NOMO3: variants seen among roughly 807,000 people sequenced by gnomAD.
NOMO3 encodes BOS complex subunit NOMO3.
NOMO3 carries 15 observed loss-of-function variants against 69.9 expected under a neutral mutation model. That is an observed-to-expected ratio of 0.21 (90% CI 0.14 to 0.33). NOMO3 has a LOEUF of 0.33. Ranked by LOEUF, NOMO3 falls within the 10% of genes least tolerant of loss-of-function variation. NOMO3 has a pLI of 1.00. For missense variants in NOMO3, 218 were observed against 761.0 expected, an observed-to-expected ratio of 0.29 and a Z score of 8.39; for synonymous variants, 89 against 301.9, an observed-to-expected ratio of 0.29 and a Z score of 7.31.
At chr16:16,255,967 G>GT (rs1419906697) in intron 10 of NOMO3, 41 bp from the exon 11 acceptor site, 2 of 1,575,088 alleles carry the variant, frequency 1.3e-6, no homozygotes, top group Non-Finnish European at 1.7e-6. Context: ...ATACACTGTT[G>GT]TTTTTGGCTT....
At chr16:16,240,442 C>T (rs1457287353) in intron 3 of NOMO3, among the ~76,000 whole-genome samples, 1 of 145,296 alleles carries the variant, frequency 6.9e-6, no homozygotes, top group Non-Finnish European at 1.5e-5. Context: ...GTCCCTGCCC[C>T]ACTGGGTACT....
At chr16:16,235,716 G>T (rs1351388952) in intron 1 of NOMO3, 1 of 374,130 alleles carries the variant, frequency 2.7e-6, no homozygotes, top group African/African-American at 2.4e-5. Flanking sequence ...GTGTGGCTGT[G>T]TTGTCCAGGC....
intron 15 of NOMO3, among the ~76,000 whole-genome samples, chr16:16,266,275 C>T (rs1340008591): frequency 7.6e-6 from 1 of 130,870 alleles, no homozygotes; most frequent in Non-Finnish European, 1.6e-5. Context: ...CTCCACAGGT[C>T]GATTTGTTAT....
intron 12 of NOMO3, 45 bp from the exon 13 acceptor site, chr16:16,263,029 A>T (rs779693921): frequency 6.3e-7 from 1 of 1,588,466 alleles, no homozygotes; most frequent in Non-Finnish European, 8.5e-7. Flanking sequence ...CAGGGGGAAG[A>T]TCTCCCCGAA....
intron 5 of NOMO3, among the ~76,000 whole-genome samples, chr16:16,245,556 T>A (rs1295333226): frequency 7.4e-6 from 1 of 134,648 alleles, no homozygotes; most frequent in Non-Finnish European, 1.5e-5. Flanking sequence ...TCAAGTAGAG[T>A]CCCATGGGGG....
intron 3 of NOMO3, among the ~76,000 whole-genome samples, chr16:16,240,908 G>A (rs1471545814): frequency 7.0e-6 from 1 of 143,636 alleles, no homozygotes; most frequent in Non-Finnish European, 1.5e-5. Context: ...TGGCTGGTAC[G>A]TTCCAGAAAG....
Position 16,232,533 on chromosome 16 carries a change from G to T in NOMO3, c.-134G>T. ...CGTGGGGTCGAAGCGCGCGTGCGCG[G>T]CGGCGGCTGGCGGCGGCGGTGGGGC... On this transcript the variant is annotated 5_prime_UTR_variant, in exon 1 of 31. Transcript: ENST00000399336. The T allele has an allele frequency of 3.3e-6, 4 of 1,228,836 alleles. No homozygotes were observed. Among genetic ancestry groups the T allele is most frequent in the Non-Finnish European group, 4.1e-6 (4 of 977,356 alleles). The allele number at this position is 1,228,836 out of a possible 1,614,324, so 76.1% of individuals were successfully genotyped here.
intron 15 of NOMO3, among the ~76,000 whole-genome samples, chr16:16,265,437 A>T (rs1336125020): frequency 7.1e-6 from 1 of 139,932 alleles, no homozygotes; most frequent in Non-Finnish European, 1.5e-5. Context: ...CCTTTGGTAC[A>T]GTGTAGAGCA....
rs370050651 is a variant in NOMO3, at chr16:16,255,774, G to A, written c.1018G>A (p.Glu340Lys). The change falls in exon 10 of 31, where the codon GAA becomes AAA. Residue 340 changes from glutamate to lysine, a missense_variant. Coordinates refer to ENST00000399336, the MANE Select transcript of NOMO3 (RefSeq NM_001004067.4). ...CACCGGGAGGGTCTTGAACGGACCCGAAGGAGATGGTGTTCCAGAAGCAGT... is the reference window on the plus strand; with the variant it reads ...CACCGGGAGGGTCTTGAACGGACCCAAAGGAGATGGTGTTCCAGAAGCAGT... Reference protein sequence around the residue: ...SVTGRVLNGPEGDGVPEAVVT... With the variant: ...SVTGRVLNGPKGDGVPEAVVT... 6.3e-6 allele frequency: 10 copies of A among 1,575,200 alleles called. 2 individuals are homozygous for A. In the East Asian group the frequency reaches 7.5e-5, roughly 12 times the overall value.
intron 11 of NOMO3, among the ~76,000 whole-genome samples, chr16:16,259,188 G>A (rs2049543626): frequency 6.9e-6 from 1 of 144,070 alleles, no homozygotes; most frequent in Non-Finnish European, 1.5e-5. Flanking sequence ...TGTTCACGGA[G>A]ATGGAGGAAA....
rs539081532 is a variant in NOMO3 at position 16,238,234 on chromosome 16, C to CTTTTTT, written c.255+1255_255+1260dup. Among the ~76,000 whole-genome samples the CTTTTTT allele has an allele frequency of 2.5e-3, 301 of 122,284 alleles. 2 individuals carry two copies. Among genetic ancestry groups the CTTTTTT allele is most frequent in the African/African-American group, 0.01 (284 of 27,512 alleles). The allele number at this position is 122,284 out of a possible 152,430, so 80.2% of individuals were successfully genotyped here. A position where few individuals can be genotyped will look rare whatever the true frequency, so the allele number is the denominator to read the frequency against. On this transcript the variant is annotated intron_variant, in intron 2 of 30. Coordinates refer to ENST00000399336, the MANE Select transcript of NOMO3 (RefSeq NM_001004067.4). Reference sequence around the variant, plus strand: ...ACATTAGCATAGATAGATCTACTGACTTTTTTTTTTTTTTTTGAGACAGAG... The same window carrying CTTTTTT: ...ACATTAGCATAGATAGATCTACTGACTTTTTTTTTTTTTTTTTTTTTTGAGACAGAG...
rs947901537 is a variant in NOMO3 at position 16,254,368 on chromosome 16, A to T, written c.964-1352A>T. On this transcript the variant is annotated intron_variant, in intron 9 of 30. Transcript: ENST00000399336. ...TGCCCAGCAAAAATATTTGTTGCGTACATATGTGAATTAATAAGTAGGTAA... is the reference window on the plus strand; with the variant it reads ...TGCCCAGCAAAAATATTTGTTGCGTTCATATGTGAATTAATAAGTAGGTAA... 4.9e-5 allele frequency among the ~76,000 whole-genome samples: 7 copies of T among 143,650 alleles called. 1 individual carries two copies. Among genetic ancestry groups the T allele is most frequent in the Admixed American group, 4.7e-4 (7 of 14,870 alleles). The allele number at this position is 143,650 out of a possible 152,430, so 94.2% of individuals were successfully genotyped here.
Position 16,243,418 on chromosome 16 carries a change from C to T in NOMO3, c.402+157C>T, listed in dbSNP as rs575860173. Among the ~76,000 whole-genome samples, 191 of 143,500 alleles carry T rather than the reference C, an allele frequency of 1.3e-3. 43 individuals carry two copies. Among genetic ancestry groups the T allele is most frequent in the African/African-American group, 5.1e-3 (179 of 35,180 alleles). The allele number at this position is 143,500 out of a possible 152,430, so 94.1% of individuals were successfully genotyped here. A position where few individuals can be genotyped will look rare whatever the true frequency, so the allele number is the denominator to read the frequency against. On this transcript the variant is annotated intron_variant, in intron 4 of 30. Transcript: ENST00000399336. Reference sequence around the variant, plus strand: ...GAGCCTGTGAACTCTGTACTTCATCCGTGTAGAACACAGCAGGTGTATTTA... The same window carrying T: ...GAGCCTGTGAACTCTGTACTTCATCTGTGTAGAACACAGCAGGTGTATTTA...
At chr16:16,237,583 C>T (rs1487955976) in intron 2 of NOMO3, among the ~76,000 whole-genome samples, 4 of 141,142 alleles carry the variant, frequency 2.8e-5, no homozygotes, top group Admixed American at 1.4e-4. Flanking sequence ...GAGTCTCGCT[C>T]TGTCGCCCAG....
intron 15 of NOMO3, chr16:16,266,720 T>C: frequency 2.0e-6 from 1 of 509,408 alleles, no homozygotes; most frequent in African/African-American, 2.4e-5. Context: ...CCAGTTGAGA[T>C]CACTAATTTA....
intron 16 of NOMO3, among the ~76,000 whole-genome samples, chr16:16,268,969 G>A (rs2049641114): frequency 7.2e-6 from 1 of 139,254 alleles, no homozygotes; most frequent in Non-Finnish European, 1.5e-5. Context: ...GGGACAGTTG[G>A]ATGTGCTACC....
rs553042620 is a variant in NOMO3, at chr16:16,262,806, C to T, written c.1396-268C>T. ...CTAGTATGTAAGTGAGGCGTGTCCG[C>T]GTTGCGGGCCTGTGGGGAATTAGGC... On this transcript the variant is annotated intron_variant, in intron 12 of 30. Transcript: ENST00000399336. Among the ~76,000 whole-genome samples the T allele has an allele frequency of 2.4e-4, 34 of 140,668 alleles. 6 individuals carry two copies. The highest frequency in any genetic ancestry group is 7.2e-4 in the African/African-American group (24 of 33,300). The allele number at this position is 140,668 out of a possible 152,430, so 92.3% of individuals were successfully genotyped here.
At chr16:16,267,467 C>T (rs1338892542) in intron 16 of NOMO3, among the ~76,000 whole-genome samples, 2 of 142,600 alleles carry the variant, frequency 1.4e-5, no homozygotes, top group Non-Finnish European at 3.0e-5. Flanking sequence ...TGGAGTCTTG[C>T]TCTGTCACCC....
At chr16:16,259,364 G>T (rs416587) in intron 11 of NOMO3, among the ~76,000 whole-genome samples, 1,692 of 138,050 alleles carry the variant, frequency 0.012, 18 homozygotes, top group African/African-American at 0.015. Context: ...TTTATTTTTT[G>T]TTGAGCCAGG....
Sources: allele counts gnomAD v4.1 joint callset (sites outside exome capture counted in the v4.1 genomes callset), GRCh38; gene constraint gnomAD v4.1.1; transcripts MANE v1.5; gene names NCBI Gene and HGNC (gene_info 2026-07-23, HGNC 2026-07-21).